Variants in TTN observed in about 807,000 individuals in gnomAD.
TTN encodes connectin.
A neutral mutation model predicts 3,223.0 loss-of-function variants in TTN; 1,525 were observed. The ratio of observed to expected loss-of-function variants is 0.47; its 90% CI spans 0.45 to 0.49. The LOEUF is 0.49. Ranked by LOEUF, TTN falls within the 20% of genes least tolerant of loss-of-function variation. TTN has a pLI of 0.00. For missense variants in TTN, 40,786 were observed against 43,424.0 expected, an observed-to-expected ratio of 0.94 and a Z score of 5.40; for synonymous variants, 14,094 against 15,161.0, an observed-to-expected ratio of 0.93 and a Z score of 5.17.
In TTN at chr2:178,719,404, C is replaced by A. The variant is rs879233655; in HGVS notation, c.23986G>T (p.Ala7996Ser). Residue 7996 changes from alanine to serine, a missense_variant, in exon 83 of 363, where the codon GCC becomes TCC. By Grantham distance (99) the Ala-to-Ser change is moderately conservative. Transcript: ENST00000589042. ...AAAACAACTGAGGCCCCCAGGATGG[C>A]ATTCACGTCTTTCAGCTTGCGGATG... ...SFIRKLKDVN[A>S]ILGASVVLEC... is the part of the protein sequence containing the mutation. 6.2e-6 allele frequency: 10 copies of A among 1,613,280 alleles called. No homozygotes were observed. The highest frequency in any genetic ancestry group is 8.5e-6 in the Non-Finnish European group (10 of 1,179,464).
chr2:178,583,281 C>T, intron 312 of TTN, 54 bp from the exon 313 acceptor site: 3 of 1,388,716 alleles, frequency 2.2e-6, no homozygotes, highest in South Asian at 3.6e-5. Context: ...ATTATGTAAT[C>T]CTTATTAATA....
In TTN at chr2:178,639,797, A is replaced by G; in HGVS notation, c.40787-9T>C. ...TTTGATTGTTTTCACTTCTGTAGAG[A>G]GAAGTCCATTGCATTAGTGTATCAA... On this transcript the variant is annotated splice_polypyrimidine_tract_variant and intron_variant, in intron 222 of 362. Coordinates refer to ENST00000589042, the MANE Select transcript of TTN (RefSeq NM_001267550.2). 6.4e-7 allele frequency: 1 copy of G among 1,574,778 alleles called. No homozygotes were observed. Among genetic ancestry groups the G allele is most frequent in the Non-Finnish European group, 8.6e-7 (1 of 1,164,752 alleles).
chr2:178,566,025 C>A lies in TTN; in HGVS notation c.80107G>T (p.Val26703Leu), dbSNP rs1288435749. ...CCATCAATGATGGGTGGCTCCCATACCAGGAAGGCAGAATCTTTTCTCACT... is the reference window on the plus strand; with the variant it reads ...CCATCAATGATGGGTGGCTCCCATAACAGGAAGGCAGAATCTTTTCTCACT... ...KEVRKDSAFL[V>L]WEPPIIDGGA... Residue 26703 changes from valine (V) to leucine (L), a missense_variant, in exon 326 of 363, where the codon GTA becomes TTA. Physicochemically the swap from Val to Leu is conservative, Grantham distance 32. Transcript: ENST00000589042. 1.9e-6 allele frequency: 3 copies of A among 1,613,498 alleles called. No individual in the cohort carries two copies. In the Admixed American group the frequency reaches 5.0e-5, roughly 27 times the overall value.
chr2:178,689,931 A>G, intron 121 of TTN, 35 bp from the exon 122 acceptor site: 1 of 1,555,230 alleles, frequency 6.4e-7, no homozygotes, highest in East Asian at 2.2e-5. Context: ...TAGTTCAGAC[A>G]TATATCACTT....
rs35534121 is a variant in TTN, at chr2:178,642,770, TC to T, written c.40478-454del. Among the ~76,000 whole-genome samples the T allele has an allele frequency of 1.8e-3, 269 of 152,104 alleles. 5 individuals carry two copies. The South Asian group carries it at 0.024, about 14-fold the overall frequency. On this transcript the variant is annotated intron_variant, in intron 218 of 362. Transcript: ENST00000589042. ...CTGAGGGAAGAAGGTGGCCAAGAGT[TC>T]CGGTTTGTGACTTTGATGCTGGGGA...
chr2:178,758,691 C>A, intron 44 of TTN: 1 of 417,422 alleles, frequency 2.4e-6, no homozygotes, highest in Non-Finnish European at 4.4e-6. Context: ...GCATATTTCG[C>A]CCCCTTCTGA....
In TTN at chr2:178,734,823, T is replaced by C. The variant is rs764009823; in HGVS notation, c.15101A>G (p.Asn5034Ser). ...CGTAATATCAAGTATAGCCTCAGAA[T>C]TGACAAAATACATTCGGACTGTGTT... ...ESNTVRMYFV[N>S]SEAILDITDV... The change falls in exon 51 of 363, where the codon AAT becomes AGT. Residue 5034 changes from asparagine to serine, a missense_variant. Physicochemically the swap from Asn to Ser is conservative, Grantham distance 46. Transcript: ENST00000589042. The C allele has an allele frequency of 6.8e-6, 11 of 1,613,708 alleles. No individual in the cohort carries two copies. The highest frequency in any genetic ancestry group is 3.3e-5 in the Admixed American group (2 of 59,986).
intron 282 of TTN, among the ~76,000 whole-genome samples, 161 bp downstream of exon 282, chr2:178,603,715 C>T (rs1481521967): frequency 1.3e-5 from 2 of 151,888 alleles, no homozygotes; most frequent in African/African-American, 2.4e-5. Flanking sequence ...TGTATACACA[C>T]ATAAATATAT....
At position 178,584,834 on chromosome 2, in the gene TTN, T is replaced by A; in HGVS notation, c.64807A>T (p.Ser21603Cys). Residue 21603 changes from serine to cysteine, a missense_variant, in exon 310 of 363, where the codon AGC (serine) becomes TGC (cysteine). Coordinates refer to ENST00000589042, the MANE Select transcript of TTN (RefSeq NM_001267550.2). ...TNYIVEKCDVSRGDWVTALAS... is the reference protein window; with the variant it reads ...TNYIVEKCDVCRGDWVTALAS... ...AGAGCCGTGACCCAGTCACCTCGGCTTACATCACACTTCTCCACTATATAA... is the reference window on the plus strand; with the variant it reads ...AGAGCCGTGACCCAGTCACCTCGGCATACATCACACTTCTCCACTATATAA... 6.2e-7 allele frequency: 1 copy of A among 1,613,404 alleles called. No homozygotes were observed. The highest frequency in any genetic ancestry group is 1.1e-5 in the South Asian group (1 of 91,062).
chr2:178,638,445 AG>A (rs1274382473), intron 223 of TTN, among the ~76,000 whole-genome samples: 5 of 151,494 alleles, frequency 3.3e-5, no homozygotes, highest in Admixed American at 2.0e-4. Flanking sequence ...TTTTATTATT[AG>A]GTTCAGAAAA....
chr2:178,565,956 T>G lies in TTN; in HGVS notation c.80176A>C (p.Thr26726Pro). The G allele has an allele frequency of 6.2e-7, 1 of 1,613,632 alleles. No homozygotes were observed. Among genetic ancestry groups the G allele is most frequent in the Non-Finnish European group, 8.5e-7 (1 of 1,179,652 alleles). The change falls in exon 326 of 363, where the codon ACC (threonine) becomes CCC (proline). Residue 26726 changes from threonine to proline, a missense_variant. Physicochemically the swap from Thr to Pro is conservative, Grantham distance 38. Transcript: ENST00000589042. ...CTCACATTAGCATACGCTTTTCTGG[T>G]TGACTCACGTTTGTCAATCACATAG... ...KNYVIDKRESTRKAYANVSSK... is the reference protein window; with the variant it reads ...KNYVIDKRESPRKAYANVSSK...
intron 157 of TTN, 53 bp downstream of exon 157, chr2:178,670,165 T>C: frequency 8.3e-7 from 1 of 1,205,282 alleles, no homozygotes; most frequent in Non-Finnish European, 1.1e-6. Flanking sequence ...TCTTACATAG[T>C]AAGTGAATAA....
chr2:178,583,074 A>C lies in TTN; in HGVS notation c.65729T>G (p.Ile21910Arg). Residue 21910 changes from isoleucine to arginine, a missense_variant, in exon 313 of 363, where the codon ATA becomes AGA. Coordinates refer to ENST00000589042, the MANE Select transcript of TTN (RefSeq NM_001267550.2). ...DGTLLKPAEG[I>R]KMAMQRNLCT... ...CAGATTCCGCTGCATGGCCATCTTT[A>C]TGCCTTCTGCTGGTTTTAGCAGTGT... 6.2e-7 allele frequency: 1 copy of C among 1,611,480 alleles called. No individual in the cohort carries two copies.
Position 178,528,408 on chromosome 2 carries a change from A to G in TTN, c.107243T>C (p.Val35748Ala). The G allele has an allele frequency of 6.2e-7, 1 of 1,613,258 alleles. No individual in the cohort carries two copies. The highest frequency in any genetic ancestry group is 1.1e-5 in the South Asian group (1 of 90,750). ...TACATTTCTGGAGCGGCTTATGCTGACATTTGAAGAAATAGAAATCTAAGA... is the reference window on the plus strand; with the variant it reads ...TACATTTCTGGAGCGGCTTATGCTGGCATTTGAAGAAATAGAAATCTAAGA... ...NNLPISISSN[V>A]SISRSRNVYS... The change falls in exon 361 of 363, where the codon GTC becomes GCC. Residue 35748 changes from valine (V) to alanine (A), a missense_variant. Physicochemically the swap from Val to Ala is moderately conservative, Grantham distance 64 (BLOSUM62 0). Transcript: ENST00000589042.
chr2:178,747,582 C>T (rs767292116), intron 47 of TTN: 2 of 1,613,270 alleles, frequency 1.2e-6, no homozygotes, highest in African/African-American at 1.3e-5. Context: ...ACTTCTTCCA[C>T]CTCCATTGAA....
chr2:178,685,896 T>C (rs893307778), intron 127 of TTN, among the ~76,000 whole-genome samples: 1 of 152,098 alleles, frequency 6.6e-6, no homozygotes, highest in African/African-American at 2.4e-5. Context: ...ACGATTATAA[T>C]AGCTGAGTTA....
chr2:178,686,355 C>T (rs1374967492), intron 127 of TTN, among the ~76,000 whole-genome samples: 1 of 151,364 alleles, frequency 6.6e-6, no homozygotes, highest in East Asian at 1.9e-4. Flanking sequence ...CTCCTGACCT[C>T]GTGATCCACC....
At chr2:178,606,195 T>C (rs567721229) in intron 278 of TTN, among the ~76,000 whole-genome samples, 4 of 152,122 alleles carry the variant, frequency 2.6e-5, no homozygotes, top group Non-Finnish European at 5.9e-5. Context: ...TGAAGTTTTC[T>C]TTCCTGAAGG....
intron 45 of TTN, among the ~76,000 whole-genome samples, chr2:178,757,156 T>TGC: frequency 6.7e-6 from 1 of 149,862 alleles, no homozygotes; most frequent in East Asian, 1.9e-4. Context: ...ATGCTTTAAG[T>TGC]ACAGTAAGTA....
Sources: allele counts gnomAD v4.1 joint callset (sites outside exome capture counted in the v4.1 genomes callset), GRCh38; gene constraint gnomAD v4.1.1; transcripts MANE v1.5; gene names NCBI Gene and HGNC (gene_info 2026-07-23, HGNC 2026-07-21).